The following IMPA1 variants were observed in gnomAD, a reference collection of about 807,000 sequenced individuals.
IMPA1 encodes D-galactose 1-phosphate phosphatase.
A neutral mutation model predicts 34.9 loss-of-function variants in IMPA1; 21 were observed. That is an observed-to-expected ratio of 0.60 (90% CI 0.43 to 0.87). IMPA1 has a LOEUF of 0.87. IMPA1 is among the 40% of genes least tolerant of loss of function. IMPA1 has a pLI of 0.00. For missense variants in IMPA1, 299 were observed against 336.4 expected (o/e 0.89, Z 0.87); for synonymous variants, 95 against 104.4 (o/e 0.91, Z 0.55).
Position 81,680,630 on chromosome 8 carries a change from T to C in IMPA1, c.197+20A>G, listed in dbSNP as rs1252930548. ...ATGGTGAGATAATAAACATTTCTTGTACACAGTAAATAAAAATACCTGTGA... is the reference window on the plus strand; with the variant it reads ...ATGGTGAGATAATAAACATTTCTTGCACACAGTAAATAAAAATACCTGTGA... On this transcript the variant is annotated intron_variant, in intron 3 of 8. Coordinates refer to ENST00000256108, the MANE Select transcript of IMPA1 (RefSeq NM_005536.4). The C allele has an allele frequency of 7.0e-6, 11 of 1,563,352 alleles. No homozygotes were observed. Among genetic ancestry groups the C allele is most frequent in the African/African-American group, 1.4e-5 (1 of 73,674 alleles).
intron 7 of IMPA1, among the ~76,000 whole-genome samples, chr8:81,664,107 C>A (rs1009813674): frequency 6.6e-6 from 1 of 152,012 alleles, no homozygotes; most frequent in Non-Finnish European, 1.5e-5. Flanking sequence ...GACCTCAAAC[C>A]TTTAGCTTTT....
In IMPA1 at chr8:81,685,291, T is replaced by G. The variant is rs922471777; in HGVS notation, c.-25+961A>C. Among the ~76,000 whole-genome samples, 63 of 136,122 alleles carry G rather than the reference T, an allele frequency of 4.6e-4. 2 individuals carry two copies. Among genetic ancestry groups the G allele is most frequent in the African/African-American group, 1.3e-3 (47 of 37,286 alleles). The allele number at this position is 136,122 out of a possible 152,430, so 89.3% of individuals were successfully genotyped here. ...TACTATATATAGTATATATAGTATA[T>G]ATACTATACATAGTATATTTATGTA... On this transcript the variant is annotated intron_variant, in intron 1 of 8. Coordinates refer to ENST00000256108, the MANE Select transcript of IMPA1 (RefSeq NM_005536.4).
At chr8:81,660,459 A>G (rs1189751051) in intron 8 of IMPA1, 57 bp downstream of exon 8, 5 of 1,526,228 alleles carry the variant, frequency 3.3e-6, no homozygotes, top group South Asian at 2.3e-5. Flanking sequence ...TAAATTCTAC[A>G]TATGGACAAA....
Position 81,672,881 on chromosome 8 carries a change from T to C in IMPA1, c.457+960A>G, listed in dbSNP as rs565556501. Among the ~76,000 whole-genome samples the C allele has an allele frequency of 1.4e-4, 21 of 152,316 alleles. No individual in the cohort carries two copies. In the East Asian group the frequency reaches 1.7e-3, roughly 13 times the overall value. ...CTGGGGCATCAGATCAGAGGAATTCTATAAAGAATTTTAGAAGCAGTAGAT... is the reference window on the plus strand; with the variant it reads ...CTGGGGCATCAGATCAGAGGAATTCCATAAAGAATTTTAGAAGCAGTAGAT... On this transcript the variant is annotated intron_variant, in intron 6 of 8. Transcript: ENST00000256108.
intron 1 of IMPA1, among the ~76,000 whole-genome samples, chr8:81,683,892 C>T (rs1012662398): frequency 9.2e-5 from 14 of 152,134 alleles, no homozygotes; most frequent in African/African-American, 3.4e-4. Context: ...AAGGACTGTC[C>T]ATTCGGATTC....
chr8:81,685,524 CTATA>C (rs1040744836), intron 1 of IMPA1, among the ~76,000 whole-genome samples: 1 of 143,428 alleles, frequency 7.0e-6, no homozygotes, highest in Non-Finnish European at 1.5e-5. Flanking sequence ...TATTTCTGTA[CTATA>C]TATAAGTATA....
chr8:81,660,763 T>C (rs1806646334), intron 7 of IMPA1, 96 bp from the exon 8 acceptor site: 4 of 943,238 alleles, frequency 4.2e-6, no homozygotes, highest in Admixed American at 2.6e-5. Context: ...TTGAAGAAAC[T>C]TGGAACGATC....
intron 5 of IMPA1, 118 bp from the exon 6 acceptor site, chr8:81,674,067 A>T: frequency 1.6e-6 from 1 of 618,152 alleles, no homozygotes; most frequent in South Asian, 2.0e-5. Context: ...AAATGGCTAA[A>T]CTGTGGGATA....
rs193081277 is a variant in IMPA1 at position 81,669,316 on chromosome 8, C to G, written c.566+1623G>C. Among the ~76,000 whole-genome samples, 141 of 152,248 alleles carry G rather than the reference C, an allele frequency of 9.3e-4. 1 individual carries two copies. Among genetic ancestry groups the G allele is most frequent in the African/African-American group, 3.2e-3 (135 of 41,544 alleles). On this transcript the variant is annotated intron_variant, in intron 7 of 8. Transcript: ENST00000256108. ...GTCACCAGCAGCATGCAAGGTACAC[C>G]TTGGAAAGCTTCAGGCACTGGACTC...
rs1393691594 is a variant in IMPA1 at position 81,658,011 on chromosome 8, CCTGT to C, written c.*1336_*1339del. The C allele has an allele frequency of 7.2e-5, 11 of 152,082 alleles. No homozygotes were observed. Among genetic ancestry groups the C allele is most frequent in the African/African-American group, 2.4e-4 (10 of 41,418 alleles). 9.4% of individuals were successfully genotyped at this position (152,082 alleles called of 1,614,324 possible). On this transcript the variant is annotated 3_prime_UTR_variant, in exon 9 of 9. Coordinates refer to ENST00000256108, the MANE Select transcript of IMPA1 (RefSeq NM_005536.4). ...AAAATAAATTTAATTGCAAAAACAACCTGTCTTAGAATACAGTATCAGATGTTTT... is the reference window on the plus strand; with the variant it reads ...AAAATAAATTTAATTGCAAAAACAACCTTAGAATACAGTATCAGATGTTTT...
intron 7 of IMPA1, among the ~76,000 whole-genome samples, chr8:81,664,337 C>A (rs1051255114): frequency 6.6e-6 from 1 of 152,184 alleles, no homozygotes; most frequent in East Asian, 1.9e-4. Context: ...TCAGGAAATG[C>A]AAACTCTCAA....
chr8:81,659,234 T>C lies in IMPA1; in HGVS notation c.*117A>G. 1 of 682,536 alleles carries C rather than the reference T, an allele frequency of 1.5e-6. No individual in the cohort carries two copies. Among genetic ancestry groups the C allele is most frequent in the Non-Finnish European group, 2.6e-6 (1 of 382,582 alleles). 42.3% of individuals were successfully genotyped at this position (682,536 alleles called of 1,614,324 possible). A position where few individuals can be genotyped will look rare whatever the true frequency, so the allele number is the denominator to read the frequency against. On this transcript the variant is annotated 3_prime_UTR_variant, in exon 9 of 9. Transcript: ENST00000256108. Reference sequence around the variant, plus strand: ...TAAAATAAGAAACAAGTTCCAAATTTTTGACCTGGACAAAGAGAATTTAAA... The same window carrying C: ...TAAAATAAGAAACAAGTTCCAAATTCTTGACCTGGACAAAGAGAATTTAAA...
chr8:81,685,385 A>G (rs1424423846), intron 1 of IMPA1, among the ~76,000 whole-genome samples: 1 of 139,044 alleles, frequency 7.2e-6, no homozygotes, highest in Non-Finnish European at 1.5e-5. Flanking sequence ...ACTATATATA[A>G]GTATATATAC....
chr8:81,675,893 C>T (rs142495018), intron 5 of IMPA1, among the ~76,000 whole-genome samples: 1,872 of 152,258 alleles, frequency 0.012, 10 homozygotes, highest in Non-Finnish European at 0.021. Context: ...TAAAGCATTC[C>T]CAGCTCAAAT....
At chr8:81,681,446 ACCCACCAAT>A in intron 2 of IMPA1, 43 bp downstream of exon 2, 1 of 991,940 alleles carries the variant, frequency 1.0e-6, no homozygotes, top group Middle Eastern at 3.1e-4. Context: ...AACACAGTAT[ACCCACCAAT>A]CACATTATAA....
At chr8:81,671,887 ACT>A (rs1806998651) in intron 6 of IMPA1, among the ~76,000 whole-genome samples, 1 of 152,054 alleles carries the variant, frequency 6.6e-6, no homozygotes, top group Admixed American at 6.6e-5. Flanking sequence ...ACAGAGCAAG[ACT>A]CTGTCTCGGG....
chr8:81,671,130 C>T (rs1806977718), intron 6 of IMPA1, 83 bp from the exon 7 acceptor site: 2 of 560,370 alleles, frequency 3.6e-6, no homozygotes, highest in Non-Finnish European at 6.1e-6. Context: ...CATTTGTATC[C>T]CTCTTCCTTG....
At chr8:81,667,785 G>A (rs949021356) in intron 7 of IMPA1, among the ~76,000 whole-genome samples, 1 of 151,800 alleles carries the variant, frequency 6.6e-6, no homozygotes, top group Non-Finnish European at 1.5e-5. Flanking sequence ...GTTATAAACT[G>A]GCAAAGAACT....
Position 81,686,324 on chromosome 8 carries a change from C to G in IMPA1, c.-97G>C. The G allele has an allele frequency of 3.0e-6, 3 of 986,890 alleles. No individual in the cohort carries two copies. Among genetic ancestry groups the G allele is most frequent in the Non-Finnish European group, 3.6e-6 (3 of 830,820 alleles). 61.1% of individuals were successfully genotyped at this position (986,890 alleles called of 1,614,324 possible). A position where few individuals can be genotyped will look rare whatever the true frequency, so the allele number is the denominator to read the frequency against. On this transcript the variant is annotated 5_prime_UTR_variant, in exon 1 of 9. Transcript: ENST00000256108. ...CTCGTCTCTTCCGGAGGTAGAGGGG[C>G]TACTCGCAACAGGAAGTTCCGCCCT...
Sources: gnomAD v4.1 joint callset for allele counts (sites outside exome capture counted in the v4.1 genomes callset) on GRCh38, gnomAD v4.1.1 for gene constraint, MANE v1.5 for transcripts, NCBI Gene and HGNC (gene_info 2026-07-23, HGNC 2026-07-21) for gene names.